The following COPS9 variants were observed in gnomAD, a reference collection of about 807,000 sequenced individuals.
The protein encoded by COPS9 is COP9 signalosome complex subunit 9.
A neutral mutation model predicts 7.2 loss-of-function variants in COPS9; 8 were observed. That is an observed-to-expected ratio of 1.11 (90% confidence interval 0.65 to 2.00). The LOEUF (loss-of-function observed/expected upper bound fraction) is 2.00. COPS9 is among the 30% of genes most tolerant of loss of function. The pLI is 0.00. For synonymous variants in COPS9, 39 were observed against 28.7 expected (o/e 1.36, Z -1.14); for missense variants, 74 against 77.7 (o/e 0.95, Z 0.18).
At chr2:240,130,121 G>T, downstream of COPS9, 2 of 1,019,934 alleles carry the variant, frequency 2.0e-6, no homozygotes, top group Non-Finnish European at 2.9e-6. Context: ...CTGACATTCG[G>T]TTCTGCTTAA....
Position 240,133,946 on chromosome 2 carries a change from T to C in COPS9, c.123A>G (p.Ala41=). 6.2e-7 allele frequency: 1 copy of C among 1,614,180 alleles called. No homozygotes were observed. The highest frequency in any genetic ancestry group is 8.5e-7 in the Non-Finnish European group (1 of 1,180,018). The part of the protein sequence containing the change: ...DLAANEKAVH[A]DFFNDFEDLF... Reference sequence around the variant, plus strand: ...AAGCATCCTTACCGTTAAAAAAGTCTGCATGAACGGCCTTTTCATTGGCTG... The same window carrying C: ...AAGCATCCTTACCGTTAAAAAAGTCCGCATGAACGGCCTTTTCATTGGCTG... The change falls in exon 2 of 3, where the codon GCA becomes GCG. Residue 41 remains alanine, a synonymous_variant. Coordinates refer to ENST00000607357, the MANE Select transcript of COPS9 (RefSeq NM_001163424.2).
chr2:240,133,178 CACCATGGATTAA>C (rs980513762), intron 2 of COPS9, among the ~76,000 whole-genome samples: 2 of 152,184 alleles, frequency 1.3e-5, no homozygotes, highest in Non-Finnish European at 2.9e-5. Flanking sequence ...TAGAGAAAAG[CACCATGGATTAA>C]ACCAGGATGA....
intron 1 of COPS9, 104 bp downstream of exon 1, chr2:240,136,117 AC>A: frequency 8.2e-7 from 1 of 1,213,282 alleles, no homozygotes; most frequent in South Asian, 1.9e-5. Flanking sequence ...CCCATCGCCC[AC>A]CCGCCCGGCC....
At chr2:240,135,358 T>A (rs1011250317) in intron 1 of COPS9, among the ~76,000 whole-genome samples, 2 of 152,154 alleles carry the variant, frequency 1.3e-5, no homozygotes, top group Non-Finnish European at 2.9e-5. Flanking sequence ...GGTCCATCCG[T>A]CGGTGCGCCT....
chr2:240,131,015 C>T lies in COPS9; in HGVS notation c.*36G>A. On this transcript the variant is annotated 3_prime_UTR_variant, in exon 3 of 3. Transcript: ENST00000607357. ...CGCAGGCTCACACTGCGGCTCTGTA[C>T]CAAGGGCTTGGCCCCGCCTGCAGCC... The T allele has an allele frequency of 1.2e-6, 2 of 1,611,230 alleles. No individual in the cohort carries two copies. Among genetic ancestry groups the T allele is most frequent in the Non-Finnish European group, 1.7e-6 (2 of 1,178,944 alleles).
At position 240,135,381 on chromosome 2, in the gene COPS9, G is replaced by A. The variant is rs568801894; in HGVS notation, c.63+841C>T. On this transcript the variant is annotated intron_variant, in intron 1 of 2. Coordinates refer to ENST00000607357, the MANE Select transcript of COPS9 (RefSeq NM_001163424.2). ...CGTCGGTGCGCCTTCGGCTTTCTATGACACCTGGTATTTGCAATCAGCCGC... is the reference window on the plus strand; with the variant it reads ...CGTCGGTGCGCCTTCGGCTTTCTATAACACCTGGTATTTGCAATCAGCCGC... Among the ~76,000 whole-genome samples, 4 of 152,226 alleles carry A rather than the reference G, an allele frequency of 2.6e-5. No individual in the cohort carries two copies. In the South Asian group the frequency reaches 8.3e-4, roughly 32 times the overall value.
downstream of COPS9, among the ~76,000 whole-genome samples, chr2:240,129,047 C>G (rs1467559692): frequency 6.6e-6 from 1 of 152,244 alleles, no homozygotes; most frequent in African/African-American, 2.4e-5. Context: ...GTGTGCCCAT[C>G]TGCACTCTGC....
chr2:240,135,995 G>T, intron 1 of COPS9: 1 of 653,918 alleles, frequency 1.5e-6, no homozygotes, highest in Non-Finnish European at 2.3e-6. Context: ...TGCGCCTCCT[G>T]GTCCCCCGGG....
At chr2:240,134,567 T>C (rs1370107641) in intron 1 of COPS9, among the ~76,000 whole-genome samples, 6 of 151,884 alleles carry the variant, frequency 4.0e-5, no homozygotes, top group Admixed American at 1.3e-4. Context: ...CTGTTTAGAG[T>C]CAACCGGTGA....
At chr2:240,127,743 G>T (rs1391478757), downstream of COPS9, among the ~76,000 whole-genome samples, 1 of 152,166 alleles carries the variant, frequency 6.6e-6, no homozygotes, top group Non-Finnish European at 1.5e-5. Context: ...CTCTCCAAAA[G>T]ATCCCAGGAT....
intron 2 of COPS9, among the ~76,000 whole-genome samples, chr2:240,131,727 T>C (rs1219898255): frequency 2.0e-5 from 3 of 152,250 alleles, no homozygotes; most frequent in African/African-American, 7.2e-5. Flanking sequence ...TTTAGTCTTC[T>C]GTGTTTTTCA....
Position 240,132,048 on chromosome 2 carries a change from A to G in COPS9, c.137-960T>C, listed in dbSNP as rs888990944. Among the ~76,000 whole-genome samples the G allele has an allele frequency of 2.0e-5, 3 of 152,146 alleles. No individual in the cohort carries two copies. Among genetic ancestry groups the G allele is most frequent in the African/African-American group, 7.2e-5 (3 of 41,438 alleles). On this transcript the variant is annotated intron_variant, in intron 2 of 2. Coordinates refer to ENST00000607357, the MANE Select transcript of COPS9 (RefSeq NM_001163424.2). The surrounding 1 kb of genome is among the most constrained non-coding windows in gnomAD (Gnocchi z 4.1). ...CTGCTGGTTGTGGTTCGCCGCTAGG[A>G]GCACTTTTGCGCAGTCCTGGGCCTG...
chr2:240,127,022 G>C, downstream of COPS9: 4 of 1,511,626 alleles, frequency 2.6e-6, no homozygotes, highest in Non-Finnish European at 1.8e-6. Context: ...CCTGGGACAA[G>C]TCATTCTGTC....
rs1376830147 is a variant in COPS9, at chr2:240,130,848, T to C, written c.*203A>G. ...ACATGTGACATTGCTTTCTTTTAAT[T>C]GGAGTGAGGACAAAACCTGATCCCG... On this transcript the variant is annotated 3_prime_UTR_variant, in exon 3 of 3. Coordinates refer to ENST00000607357, the MANE Select transcript of COPS9 (RefSeq NM_001163424.2). The C allele has an allele frequency of 3.6e-6, 5 of 1,406,890 alleles. No homozygotes were observed. The highest frequency in any genetic ancestry group is 4.6e-6 in the Non-Finnish European group (5 of 1,084,290). 87.2% of individuals were successfully genotyped at this position (1,406,890 alleles called of 1,614,324 possible). A position where few individuals can be genotyped will look rare whatever the true frequency, so the allele number is the denominator to read the frequency against.
intron 2 of COPS9, 46 bp downstream of exon 2, chr2:240,133,887 A>G: frequency 6.3e-7 from 1 of 1,590,348 alleles, no homozygotes; most frequent in Non-Finnish European, 8.6e-7. Flanking sequence ...CACCTAGAGA[A>G]GAAATATTCA....
In COPS9 at chr2:240,131,100, A is replaced by C. The variant is rs571094024; in HGVS notation, c.137-12T>G. ...AAGATCTTCAAAATCTAGGGAAATA[A>C]GCAAAACCACGTAGTTACACCTACA... On this transcript the variant is annotated splice_polypyrimidine_tract_variant and intron_variant, in intron 2 of 2. Coordinates refer to ENST00000607357, the MANE Select transcript of COPS9 (RefSeq NM_001163424.2). 1.8e-4 allele frequency: 295 copies of C among 1,611,926 alleles called. No individual in the cohort carries two copies. The highest frequency in any genetic ancestry group is 2.4e-4 in the Non-Finnish European group (288 of 1,179,244).
At chr2:240,129,505 C>T (rs1206965093), downstream of COPS9, among the ~76,000 whole-genome samples, 1 of 152,120 alleles carries the variant, frequency 6.6e-6, no homozygotes, top group East Asian at 1.9e-4. Flanking sequence ...GCCTGCAGCT[C>T]GCTGGCAGTG....
At chr2:240,135,627 C>T (rs995903080) in intron 1 of COPS9, among the ~76,000 whole-genome samples, 6 of 152,144 alleles carry the variant, frequency 3.9e-5, no homozygotes, top group Non-Finnish European at 7.3e-5. Flanking sequence ...AACCCCAAGA[C>T]GACTGTATAA....
At chr2:240,130,134 T>G, downstream of COPS9, 1 of 849,844 alleles carries the variant, frequency 1.2e-6, no homozygotes. Context: ...CTGCTTAAGA[T>G]CTCACCTGGC....
Sources: gnomAD v4.1 joint callset for allele counts (sites outside exome capture counted in the v4.1 genomes callset) on GRCh38, gnomAD v4.1.1 for gene constraint, Gnocchi (gnomAD v3.1) non-coding constraint, MANE v1.5 for transcripts, NCBI Gene and HGNC (gene_info 2026-07-23, HGNC 2026-07-21) for gene names.